The following DYRK1A variants were observed in gnomAD, a reference collection of about 807,000 sequenced individuals.
The protein encoded by DYRK1A is dual specificity tyrosine-phosphorylation-regulated kinase 1A.
In DYRK1A, 9 loss-of-function variants were observed where a neutral mutation model predicts 79.7. That is an observed-to-expected ratio of 0.11 (90% CI 0.07 to 0.20). The LOEUF (loss-of-function observed/expected upper bound fraction) is 0.20. DYRK1A is among the 10% of genes least tolerant of loss of function. The pLI is 1.00. For synonymous variants in DYRK1A, 349 were observed against 329.7 expected, an observed-to-expected ratio of 1.06 and a Z score of -0.63; for missense variants, 622 against 956.0, an observed-to-expected ratio of 0.65 and a Z score of 4.61.
chr21:37,387,814 T>C (rs547493754), intron 1 of DYRK1A, among the ~76,000 whole-genome samples: 1 of 152,360 alleles, frequency 6.6e-6, no homozygotes, highest in Non-Finnish European at 1.5e-5. Context: ...TGACTGGGTA[T>C]AGAAATGGAG....
chr21:37,434,251 A>G (rs781465397), intron 2 of DYRK1A, among the ~76,000 whole-genome samples: 84 of 152,200 alleles, frequency 5.5e-4, no homozygotes, highest in African/African-American at 1.6e-3. Flanking sequence ...TAGACACTCT[A>G]TGGAAAAATA....
chr21:37,396,951 A>C (rs780915595), intron 1 of DYRK1A, among the ~76,000 whole-genome samples: 3 of 152,188 alleles, frequency 2.0e-5, no homozygotes, highest in Non-Finnish European at 4.4e-5. Context: ...TCACGTGGTC[A>C]TCTGGAGTCA....
Position 37,512,119 on chromosome 21 carries a change from G to A in DYRK1A, c.1853G>A (p.Arg618Gln), listed in dbSNP as rs761460441. The change falls in exon 12 of 12, where the codon CGG (arginine) becomes CAG (glutamine). Residue 618 changes from arginine to glutamine, a missense_variant. Around this residue, in one of 5 missense-constraint regions of DYRK1A, gnomAD observed 292 missense variants for 316.7 expected, o/e 0.92. Coordinates refer to ENST00000647188, the MANE Select transcript of DYRK1A (RefSeq NM_001347721.2). ...HHHGQQALGN[R>Q]TRPRVYNSPT... The stretch of plus-strand genomic sequence containing the variant: ...CATGGACAACAAGCCTTGGGTAACC[G>A]GACCAGGCCAAGGGTCTACAATTCT... 33 of 1,613,916 alleles carry A rather than the reference G, an allele frequency of 2.0e-5. No homozygotes were observed. Among genetic ancestry groups the A allele is most frequent in the Admixed American group, 3.3e-5 (2 of 59,996 alleles).
At chr21:37,492,527 G>C (rs1189999709) in intron 7 of DYRK1A, among the ~76,000 whole-genome samples, 3 of 152,156 alleles carry the variant, frequency 2.0e-5, no homozygotes, top group Non-Finnish European at 4.4e-5. Flanking sequence ...GGATTTATCT[G>C]TGAGACAGCA....
intron 1 of DYRK1A, among the ~76,000 whole-genome samples, chr21:37,378,037 G>C (rs1221034426): frequency 6.6e-6 from 1 of 152,174 alleles, no homozygotes; most frequent in African/African-American, 2.4e-5. Context: ...CAGTGTCTGA[G>C]AGTGTATAGT....
chr21:37,478,258 A>G lies in DYRK1A; in HGVS notation c.258A>G (p.Lys86=). The G allele has an allele frequency of 6.2e-7, 1 of 1,614,092 alleles. No individual in the cohort carries two copies. Among genetic ancestry groups the G allele is most frequent in the Non-Finnish European group, 8.5e-7 (1 of 1,179,984 alleles). ...ACCCAGCAACTGCTCCCCTGAGAAA[A>G]CTTTCTGTTGACTTGATCAAAACAT... ...FRDPATAPLR[K]LSVDLIKTYK... Residue 86 remains lysine (K), a synonymous_variant, in exon 4 of 12, where the codon AAA becomes AAG. Coordinates refer to ENST00000647188, the MANE Select transcript of DYRK1A (RefSeq NM_001347721.2).
At chr21:37,389,405 G>T (rs1387102654) in intron 1 of DYRK1A, among the ~76,000 whole-genome samples, 8 of 152,082 alleles carry the variant, frequency 5.3e-5, no homozygotes, top group Non-Finnish European at 1.2e-4. Context: ...GGCTCAAGCA[G>T]TCTGCCCGCC....
chr21:37,430,786 C>G (rs2050755201), intron 2 of DYRK1A, among the ~76,000 whole-genome samples: 1 of 152,190 alleles, frequency 6.6e-6, no homozygotes, highest in Admixed American at 6.5e-5. Context: ...TTTGGCCTCA[C>G]CCTTGGGGTG....
chr21:37,503,705 A>C (rs534792616), intron 9 of DYRK1A: 8 of 152,128 alleles, frequency 5.3e-5, no homozygotes, highest in African/African-American at 1.7e-4. Flanking sequence ...AGCCCAGCCT[A>C]TATTTTTTAG....
rs1309822431 is a variant in DYRK1A at position 37,514,076 on chromosome 21, A to C, written c.*1545A>C. ...CATTCTAAGTGTGTTCAGGCTTCTG[A>C]AGGTAAAGGGACACTGGATCCAGAA... On this transcript the variant is annotated 3_prime_UTR_variant, in exon 12 of 12. Transcript: ENST00000647188. 1 of 152,652 alleles carries C rather than the reference A, an allele frequency of 6.6e-6. No homozygotes were observed. The highest frequency in any genetic ancestry group is 1.5e-5 in the Non-Finnish European group (1 of 68,042). The allele number at this position is 152,652 out of a possible 1,614,324, so 9.5% of individuals were successfully genotyped here. A position where few individuals can be genotyped will look rare whatever the true frequency, so the allele number is the denominator to read the frequency against.
chr21:37,417,793 C>T lies in DYRK1A; in HGVS notation c.-76-2506C>T, dbSNP rs56085517. On this transcript the variant is annotated intron_variant, in intron 1 of 11. Transcript: ENST00000647188. ...TTAACTTCAAAAAACCATGTAAGCT[C>T]GGTTCCTGGATTGTTCGTAGACCTT... Among the ~76,000 whole-genome samples the T allele has an allele frequency of 1.8e-3, 268 of 151,994 alleles. 2 individuals are homozygous for T. Among genetic ancestry groups the T allele is most frequent in the African/African-American group, 6.0e-3 (250 of 41,442 alleles).
chr21:37,435,026 T>C (rs1464879473), intron 2 of DYRK1A, among the ~76,000 whole-genome samples: 1 of 152,246 alleles, frequency 6.6e-6, no homozygotes, highest in African/African-American at 2.4e-5. Context: ...TGCACTACTT[T>C]AACTGTGTTC....
Position 37,496,105 on chromosome 21 carries a change from A to G in DYRK1A, c.1072-13A>G, listed in dbSNP as rs772502724. 1.9e-6 allele frequency: 3 copies of G among 1,593,530 alleles called. No individual in the cohort carries two copies. The highest frequency in any genetic ancestry group is 2.6e-6 in the Non-Finnish European group (3 of 1,174,184). ...AGAAATTACAGGTTTTGTTGTTTTTATTTTTAATACAGGTAGATCAGATGA... is the reference window on the plus strand; with the variant it reads ...AGAAATTACAGGTTTTGTTGTTTTTGTTTTTAATACAGGTAGATCAGATGA... On this transcript the variant is annotated splice_polypyrimidine_tract_variant and intron_variant, in intron 8 of 11. Transcript: ENST00000647188.
chr21:37,510,889 T>G (rs1241162767), intron 11 of DYRK1A, among the ~76,000 whole-genome samples: 1 of 152,126 alleles, frequency 6.6e-6, no homozygotes, highest in Non-Finnish European at 1.5e-5. Context: ...GGAAGTGTTG[T>G]GTAGCCATGT....
intron 1 of DYRK1A, among the ~76,000 whole-genome samples, chr21:37,413,698 C>T (rs1468474296): frequency 1.3e-5 from 2 of 152,144 alleles, no homozygotes; most frequent in Admixed American, 6.6e-5. Flanking sequence ...AGCTTTGATT[C>T]CCAGAGCACC....
intron 2 of DYRK1A, among the ~76,000 whole-genome samples, chr21:37,421,344 A>G (rs2050469849): frequency 6.6e-6 from 1 of 152,092 alleles, no homozygotes; most frequent in African/African-American, 2.4e-5. Flanking sequence ...GTCTAGGGGA[A>G]AAATCATCAT....
At chr21:37,391,132 C>T (rs966744787) in intron 1 of DYRK1A, among the ~76,000 whole-genome samples, 5 of 152,150 alleles carry the variant, frequency 3.3e-5, no homozygotes, top group Non-Finnish European at 7.4e-5. Flanking sequence ...TCCTAGTGCC[C>T]TGGTTCTTTG....
chr21:37,379,863 G>A (rs554740913), intron 1 of DYRK1A, among the ~76,000 whole-genome samples: 2 of 152,240 alleles, frequency 1.3e-5, no homozygotes, highest in South Asian at 4.1e-4. Flanking sequence ...TATTTATTGA[G>A]CACCTGCTGG....
upstream of DYRK1A, among the ~76,000 whole-genome samples, chr21:37,366,350 T>TGCGGGGGCGGCG (rs1277576370): frequency 7.0e-6 from 1 of 143,420 alleles, no homozygotes; most frequent in Non-Finnish European, 1.5e-5. Context: ...GCGCTAGGGC[T>TGCGGGGGCGGCG]GCGGGGGCGG....
Sources: allele counts gnomAD v4.1 joint callset (sites outside exome capture counted in the v4.1 genomes callset), GRCh38; gene constraint gnomAD v4.1.1; regional missense constraint gnomAD v4.1.1; transcripts MANE v1.5; gene names NCBI Gene and HGNC (gene_info 2026-07-23, HGNC 2026-07-21).